EBF1: variants seen among roughly 807,000 people sequenced by gnomAD.
The protein encoded by EBF1 is transcription factor COE1.
Under a neutral mutation model 68.4 loss-of-function variants are expected in EBF1, and 10 were observed. The ratio of observed to expected loss-of-function variants is 0.15; its 90% CI spans 0.09 to 0.25. EBF1 has a LOEUF of 0.25. EBF1 is among the 10% of genes least tolerant of loss of function. The pLI is 1.00. For synonymous variants in EBF1, 298 were observed against 299.8 expected, an observed-to-expected ratio of 0.99 and a Z score of 0.06; for missense variants, 509 against 794.4, an observed-to-expected ratio of 0.64 and a Z score of 4.32.
chr5:158,865,773 A>G (rs929228455), intron 6 of EBF1, among the ~76,000 whole-genome samples: 1 of 152,232 alleles, frequency 6.6e-6, no homozygotes. Context: ...ATAAAGAACT[A>G]AACCATAAAA....
At chr5:158,876,902 CT>C (rs146187293) in intron 6 of EBF1, among the ~76,000 whole-genome samples, 1,883 of 152,194 alleles carry the variant, frequency 0.012, 139 homozygotes, top group Admixed American at 0.11. Flanking sequence ...ATTTAGAGGT[CT>C]TTTTTACATT....
intron 7 of EBF1, among the ~76,000 whole-genome samples, chr5:158,825,754 G>C (rs923281370): frequency 2.0e-5 from 3 of 152,022 alleles, no homozygotes; most frequent in Non-Finnish European, 4.4e-5. Flanking sequence ...ATAATACAGA[G>C]AATCTTTATA....
At chr5:158,850,600 G>A (rs1792439255) in intron 6 of EBF1, among the ~76,000 whole-genome samples, 1 of 152,190 alleles carries the variant, frequency 6.6e-6, no homozygotes, top group Non-Finnish European at 1.5e-5. Context: ...ATAGCTAGTT[G>A]ATTCTTAAAA....
chr5:158,724,046 T>G (rs1762474224), intron 11 of EBF1, among the ~76,000 whole-genome samples: 2 of 152,162 alleles, frequency 1.3e-5, no homozygotes, highest in Admixed American at 1.3e-4. Context: ...GCCCCTAGAC[T>G]GAGCATATTA....
At chr5:158,840,644 T>C (rs1487154994) in intron 6 of EBF1, among the ~76,000 whole-genome samples, 43 of 77,722 alleles carry the variant, frequency 5.5e-4, no homozygotes, top group Middle Eastern at 0.014. Context: ...AAATACCTCC[T>C]GTTTTTTTTT....
At chr5:159,081,138 T>C (rs1174476732) in intron 5 of EBF1, among the ~76,000 whole-genome samples, 1 of 151,982 alleles carries the variant, frequency 6.6e-6, no homozygotes, top group African/African-American at 2.4e-5. Context: ...GCACCATGCC[T>C]GGCTAATTTT....
At chr5:158,913,125 G>T (rs549073445) in intron 6 of EBF1, among the ~76,000 whole-genome samples, 1 of 152,134 alleles carries the variant, frequency 6.6e-6, no homozygotes, top group African/African-American at 2.4e-5. Context: ...ATCCTGTACC[G>T]CTGGGTCACA....
intron 10 of EBF1, among the ~76,000 whole-genome samples, chr5:158,776,832 A>T (rs1320375657): frequency 6.6e-6 from 1 of 152,172 alleles, no homozygotes; most frequent in Non-Finnish European, 1.5e-5. Flanking sequence ...ACTTGATGTC[A>T]TTCCACAGAG....
chr5:159,046,256 A>G (rs746162665), intron 6 of EBF1, among the ~76,000 whole-genome samples: 1 of 152,092 alleles, frequency 6.6e-6, no homozygotes, highest in Non-Finnish European at 1.5e-5. Flanking sequence ...CAGTGCACAG[A>G]CCCTCGAGGG....
At chr5:158,843,146 G>A (rs1224069047) in intron 6 of EBF1, among the ~76,000 whole-genome samples, 2 of 152,032 alleles carry the variant, frequency 1.3e-5, no homozygotes, top group African/African-American at 4.8e-5. Context: ...CCTTAAGAGG[G>A]CCCCCTGCTT....
chr5:158,810,889 T>G (rs946427189), intron 8 of EBF1, among the ~76,000 whole-genome samples: 57 of 152,274 alleles, frequency 3.7e-4, no homozygotes, highest in African/African-American at 1.3e-3. Context: ...ACCAGCAGCA[T>G]ACGTTTAAGC....
At chr5:159,085,125 T>TTTTTAA (rs1217230037) in intron 4 of EBF1, among the ~76,000 whole-genome samples, 1 of 152,260 alleles carries the variant, frequency 6.6e-6, no homozygotes, top group African/African-American at 2.4e-5. Flanking sequence ...TTTTAAATGA[T>TTTTTAA]ATGTATTTGC....
At chr5:158,809,000 T>G (rs1215028549) in intron 8 of EBF1, among the ~76,000 whole-genome samples, 1 of 152,138 alleles carries the variant, frequency 6.6e-6, no homozygotes, top group Non-Finnish European at 1.5e-5. Context: ...CATTTATTAT[T>G]TACTGCACTT....
intron 6 of EBF1, among the ~76,000 whole-genome samples, chr5:158,999,808 GA>G (rs1384275495): frequency 6.6e-6 from 1 of 152,140 alleles, no homozygotes; most frequent in Non-Finnish European, 1.5e-5. Context: ...CATACATATA[GA>G]AAAATAAGCA....
rs78057016 is a variant in EBF1, at chr5:158,918,504, C to T, written c.555-78394G>A. Reference sequence around the variant, plus strand: ...GAAGAATGGATTACCATTAGTGTTACGAGACAGAGAATTAGTAAGAGATAA... The same window carrying T: ...GAAGAATGGATTACCATTAGTGTTATGAGACAGAGAATTAGTAAGAGATAA... On this transcript the variant is annotated intron_variant, in intron 6 of 15. Transcript: ENST00000313708. Among the ~76,000 whole-genome samples, 390 of 151,596 alleles carry T rather than the reference C, an allele frequency of 2.6e-3. 2 individuals are homozygous for T. Among genetic ancestry groups the T allele is most frequent in the Non-Finnish European group, 1.1e-3 (76 of 67,894 alleles).
intron 6 of EBF1, among the ~76,000 whole-genome samples, chr5:158,878,098 A>T (rs1454026671): frequency 6.6e-6 from 1 of 151,678 alleles, no homozygotes; most frequent in African/African-American, 2.4e-5. Flanking sequence ...AACCCAGAAA[A>T]CACTAACTAA....
Position 158,953,904 on chromosome 5 carries a change from T to C in EBF1, c.555-113794A>G, listed in dbSNP as rs73816848. ...AATTCAGAAGAAATAAAAGGCTACC[T>C]TCCATAATTAGGGGAAAAATATGCA... On this transcript the variant is annotated intron_variant, in intron 6 of 15. Transcript: ENST00000313708. Among the ~76,000 whole-genome samples, 777 of 152,306 alleles carry C rather than the reference T, an allele frequency of 5.1e-3. 10 individuals carry two copies. The highest frequency in any genetic ancestry group is 0.018 in the African/African-American group (739 of 41,564).
At chr5:159,010,143 G>T (rs1043514442) in intron 6 of EBF1, among the ~76,000 whole-genome samples, 1 of 152,174 alleles carries the variant, frequency 6.6e-6, no homozygotes, top group African/African-American at 2.4e-5. Context: ...AAAGACAGAA[G>T]TTATGCTAAG....
At chr5:158,893,635 G>A (rs918624495) in intron 6 of EBF1, among the ~76,000 whole-genome samples, 6 of 152,208 alleles carry the variant, frequency 3.9e-5, no homozygotes, top group East Asian at 1.9e-4. Context: ...GCCAAGGCTC[G>A]TCAGTCTTCT....
Sources: gnomAD v4.1 joint callset for allele counts (sites outside exome capture counted in the v4.1 genomes callset) on GRCh38, gnomAD v4.1.1 for gene constraint, MANE v1.5 for transcripts, NCBI Gene and HGNC (gene_info 2026-07-23, HGNC 2026-07-21) for gene names.